Variants in UBE2F observed in about 807,000 individuals in gnomAD.
UBE2F encodes the protein NEDD8-conjugating enzyme UBE2F.
UBE2F carries 5 observed loss-of-function variants against 29.6 expected under a neutral mutation model. The observed-to-expected ratio is 0.17, with a 90% CI of 0.09 to 0.36. UBE2F has a LOEUF of 0.36. Ranked by LOEUF, UBE2F falls within the 10% of genes least tolerant of loss-of-function variation. The probability of loss-of-function intolerance (pLI) is 1.00; values close to 1 mark genes in which losing one functional copy is unlikely to be tolerated. For synonymous variants in UBE2F, 66 were observed against 81.8 expected, an observed-to-expected ratio of 0.81 and a Z score of 1.04; for missense variants, 141 against 228.5, an observed-to-expected ratio of 0.62 and a Z score of 2.47.
At chr2:238,020,209 C>T (rs1576629403) in intron 5 of UBE2F, among the ~76,000 whole-genome samples, 1 of 152,302 alleles carries the variant, frequency 6.6e-6, no homozygotes, top group African/African-American at 2.4e-5. Flanking sequence ...AGCTGTCTTG[C>T]CCACACTATT....
At chr2:238,029,491 A>G (rs1227250329) in intron 6 of UBE2F, among the ~76,000 whole-genome samples, 1 of 151,466 alleles carries the variant, frequency 6.6e-6, no homozygotes, top group Admixed American at 6.6e-5. Context: ...GCTACTCAGG[A>G]GGCTGAGGCA....
intron 4 of UBE2F, among the ~76,000 whole-genome samples, chr2:238,006,411 A>G (rs559715825): frequency 1.3e-5 from 2 of 152,202 alleles, no homozygotes; most frequent in East Asian, 1.9e-4. Flanking sequence ...AACCATATCA[A>G]TTGTCATCTT....
intron 2 of UBE2F, among the ~76,000 whole-genome samples, chr2:237,977,385 TTCCACTCACC>T (rs1437131413): frequency 6.6e-6 from 1 of 152,228 alleles, no homozygotes; most frequent in Non-Finnish European, 1.5e-5. Flanking sequence ...TGGCCTTTCC[TTCCACTCACC>T]TCAGGGGCTG....
chr2:237,971,838 G>A lies in UBE2F; in HGVS notation c.-16-1254G>A, dbSNP rs554385015. On this transcript the variant is annotated intron_variant, in intron 1 of 9. Coordinates refer to ENST00000272930, the MANE Select transcript of UBE2F (RefSeq NM_080678.3). ...TTAATTGTAACAAATGTACCCTCTGGTGGGAGATGTTGGTAATAGGGGAAG... is the reference window on the plus strand; with the variant it reads ...TTAATTGTAACAAATGTACCCTCTGATGGGAGATGTTGGTAATAGGGGAAG... Among the ~76,000 whole-genome samples the A allele has an allele frequency of 4.4e-3, 666 of 152,342 alleles. 1 individual carries two copies. The highest frequency in any genetic ancestry group is 7.5e-3 in the Admixed American group (115 of 15,296).
At chr2:238,005,472 A>T (rs1238272440) in intron 4 of UBE2F, among the ~76,000 whole-genome samples, 1 of 152,216 alleles carries the variant, frequency 6.6e-6, no homozygotes, top group African/African-American at 2.4e-5. Flanking sequence ...CTGGGATTAC[A>T]GGCAGGAGCC....
chr2:237,976,688 C>T (rs1421930398), intron 2 of UBE2F, among the ~76,000 whole-genome samples: 1 of 152,158 alleles, frequency 6.6e-6, no homozygotes, highest in Non-Finnish European at 1.5e-5. Flanking sequence ...GCGGCAGAGC[C>T]CTGATGACAA....
chr2:237,985,930 T>TGA (rs1206130857), intron 2 of UBE2F, among the ~76,000 whole-genome samples: 1 of 152,232 alleles, frequency 6.6e-6, no homozygotes, highest in Non-Finnish European at 1.5e-5. Context: ...TGTATTTCCC[T>TGA]GATGTTCAGT....
Position 237,967,025 on chromosome 2 carries a change from C to T in UBE2F, c.-124C>T, listed in dbSNP as rs968231587. ...GTCCCCGCCCCGCCACTTCCGGTCC[C>T]GCCGCCGGGAGCCGGTGCGGCTGTG... On this transcript the variant is annotated 5_prime_UTR_variant, in exon 1 of 10. Transcript: ENST00000272930. The surrounding 1 kb of genome is among the most constrained non-coding windows in gnomAD (Gnocchi z 6.3). 33 of 1,276,392 alleles carry T rather than the reference C, an allele frequency of 2.6e-5. No homozygotes were observed. Among genetic ancestry groups the T allele is most frequent in the East Asian group, 6.5e-5 (2 of 30,614 alleles). 79.1% of individuals were successfully genotyped at this position (1,276,392 alleles called of 1,614,324 possible). A position where few individuals can be genotyped will look rare whatever the true frequency, so the allele number is the denominator to read the frequency against.
At chr2:238,015,898 T>C (rs572593519) in intron 4 of UBE2F, among the ~76,000 whole-genome samples, 12 of 152,230 alleles carry the variant, frequency 7.9e-5, no homozygotes, top group Non-Finnish European at 1.6e-4. Flanking sequence ...CTGTGGGGTC[T>C]ACAGGGTGTG....
At chr2:238,029,278 T>A (rs974575321) in intron 6 of UBE2F, among the ~76,000 whole-genome samples, 7 of 149,976 alleles carry the variant, frequency 4.7e-5, no homozygotes, top group Non-Finnish European at 7.4e-5. Flanking sequence ...TTTTGAACTT[T>A]AAAAAAATAA....
intron 8 of UBE2F, among the ~76,000 whole-genome samples, chr2:238,033,826 G>C (rs1292901375): frequency 2.6e-5 from 4 of 152,226 alleles, no homozygotes; most frequent in Non-Finnish European, 5.9e-5. Flanking sequence ...TTCTGCTTCT[G>C]TCTTTGGCTT....
intron 2 of UBE2F, among the ~76,000 whole-genome samples, chr2:237,974,901 G>A (rs35578309): frequency 0.12 from 16,811 of 145,956 alleles, 1,164 homozygotes; most frequent in East Asian, 0.16. Flanking sequence ...CACCCGCCTC[G>A]GCCTCCCAAA....
chr2:238,016,688 G>C, intron 5 of UBE2F, 55 bp downstream of exon 5: 1 of 1,495,436 alleles, frequency 6.7e-7, no homozygotes, highest in Non-Finnish European at 9.2e-7. Flanking sequence ...GCTGCCTGTG[G>C]CTGTGGCCCG....
intron 3 of UBE2F, among the ~76,000 whole-genome samples, chr2:237,991,601 C>CTTTT (rs796466552): frequency 0.077 from 2,357 of 30,758 alleles, 122 homozygotes; most frequent in African/African-American, 0.22. Flanking sequence ...CTTTTCTTTT[C>CTTTT]TTTCTTTCTT....
Position 237,970,812 on chromosome 2 carries a change from A to G in UBE2F, c.-16-2280A>G, listed in dbSNP as rs139859797. On this transcript the variant is annotated intron_variant, in intron 1 of 9. Coordinates refer to ENST00000272930, the MANE Select transcript of UBE2F (RefSeq NM_080678.3). Reference sequence around the variant, plus strand: ...AACCTCCACCTCCCGGGTTCAACCTATTCTTCTGCCTCAGCCTCCTGAGTA... The same window carrying G: ...AACCTCCACCTCCCGGGTTCAACCTGTTCTTCTGCCTCAGCCTCCTGAGTA... Among the ~76,000 whole-genome samples the G allele has an allele frequency of 4.9e-4, 74 of 152,310 alleles. 1 individual carries two copies. The East Asian group carries it at 0.014, about 28-fold the overall frequency.
chr2:237,972,692 A>G (rs542665513), intron 1 of UBE2F, among the ~76,000 whole-genome samples: 1 of 151,628 alleles, frequency 6.6e-6, no homozygotes, highest in Non-Finnish European at 1.5e-5. Flanking sequence ...CTGAGACTAC[A>G]GGCACACACC....
In UBE2F at chr2:238,012,938, G is replaced by A. The variant is rs568615390; in HGVS notation, c.215-3628G>A. Among the ~76,000 whole-genome samples, 11 of 152,314 alleles carry A rather than the reference G, an allele frequency of 7.2e-5. No individual in the cohort carries two copies. The South Asian group carries it at 2.3e-3, about 32-fold the overall frequency. On this transcript the variant is annotated intron_variant, in intron 4 of 9. Transcript: ENST00000272930. ...GTCTGAACCCAAGACACTCCAGCGT[G>A]AACCAGGACATACTATTTATAATAC...
chr2:238,000,977 A>G (rs1424358843), intron 4 of UBE2F, among the ~76,000 whole-genome samples: 1 of 149,970 alleles, frequency 6.7e-6, no homozygotes, highest in Non-Finnish European at 1.5e-5. Context: ...TATTTTGCCC[A>G]TTTAAAAATA....
intron 5 of UBE2F, among the ~76,000 whole-genome samples, chr2:238,023,393 CAGTT>C (rs2064339908): frequency 2.6e-5 from 4 of 152,192 alleles, no homozygotes; most frequent in Admixed American, 2.6e-4. Context: ...TTTGCACAGT[CAGTT>C]TAATCAGTTT....
Sources: allele counts gnomAD v4.1 joint callset (sites outside exome capture counted in the v4.1 genomes callset), GRCh38; gene constraint gnomAD v4.1.1; non-coding constraint Gnocchi (gnomAD v3.1); transcripts MANE v1.5; gene names NCBI Gene and HGNC (gene_info 2026-07-23, HGNC 2026-07-21).